Variants in TMPRSS9 observed in about 807,000 individuals in gnomAD.
TMPRSS9 encodes the protein transmembrane serine protease 9, also known as transmembrane protease serine 9.
A neutral mutation model predicts 111.4 loss-of-function variants in TMPRSS9; 113 were observed. That is an observed-to-expected ratio of 1.01 (90% CI 0.87 to 1.19). TMPRSS9 has a LOEUF of 1.19. TMPRSS9 is among the 50% of genes most tolerant of loss of function. The pLI is 0.00. For missense variants in TMPRSS9, 1,803 were observed against 1,513.1 expected (o/e 1.19, Z -3.18); for synonymous variants, 805 against 659.1 (o/e 1.22, Z -3.39).
chr19:2,399,975 C>T (rs1000615162), intron 4 of TMPRSS9, among the ~76,000 whole-genome samples: 1 of 152,198 alleles, frequency 6.6e-6, no homozygotes, highest in Admixed American at 6.5e-5. Context: ...GGTGATCCTC[C>T]TGCCTTGGCC....
chr19:2,416,436 A>T, intron 11 of TMPRSS9, 102 bp from the exon 13 acceptor site: 1 of 1,465,832 alleles, frequency 6.8e-7, no homozygotes, highest in Non-Finnish European at 9.1e-7. Flanking sequence ...GGGCCCAGGC[A>T]GCCCTGTGTG....
intron 1 of TMPRSS9, among the ~76,000 whole-genome samples, chr19:2,390,479 A>G (rs943559319): frequency 2.2e-4 from 33 of 148,304 alleles, no homozygotes; most frequent in Admixed American, 1.2e-3. Flanking sequence ...TCCTGACCTC[A>G]TGATCCGCCC....
At chr19:2,397,516 G>A (rs1358148115) in intron 2 of TMPRSS9, among the ~76,000 whole-genome samples, 1 of 152,140 alleles carries the variant, frequency 6.6e-6, no homozygotes, top group African/African-American at 2.4e-5. Context: ...AAAGGGGCCA[G>A]GCTTGGACAC....
chr19:2,413,991 G>A, exon 10 of TMPRSS9: 1 of 1,603,422 alleles, frequency 6.2e-7, no homozygotes. Context: ...CGTGCCTCTT[G>A]ACTGGGTCAC....
At chr19:2,372,541 A>T (rs907339345) in intron 1 of TMPRSS9, among the ~76,000 whole-genome samples, 2 of 152,104 alleles carry the variant, frequency 1.3e-5, no homozygotes, top group African/African-American at 4.8e-5. Flanking sequence ...ATAAAACTCT[A>T]GAAGATATTT....
chr19:2,398,837 G>A lies in TMPRSS9; in HGVS notation c.313G>A (p.Val105Met), dbSNP rs967942868. 11 of 1,505,806 alleles carry A rather than the reference G, an allele frequency of 7.3e-6. No individual in the cohort carries two copies. In the Admixed American group the frequency reaches 1.6e-4, roughly 22 times the overall value. 93.3% of individuals were successfully genotyped at this position (1,505,806 alleles called of 1,614,324 possible). A position where few individuals can be genotyped will look rare whatever the true frequency, so the allele number is the denominator to read the frequency against. ...GAAGACAGAGTTAGAGGCAAGCTGC[G>A]TGGGTTGCTCGGTACTGAATTATAG... The change falls in exon 3 of 18, where the codon GTG (valine) becomes ATG (methionine). Residue 105 changes from valine to methionine, a missense_variant. Val to Met is a conservative substitution (Grantham distance 21, BLOSUM62 1). Transcript: ENST00000648592.
At chr19:2,408,468 A>G in exon 8 of TMPRSS9, 1 of 1,613,906 alleles carries the variant, frequency 6.2e-7, no homozygotes, top group Non-Finnish European at 8.5e-7. Context: ...CCCCCTGTAC[A>G]ACGCGGACAC....
chr19:2,384,250 G>A (rs1970426739), intron 1 of TMPRSS9, among the ~76,000 whole-genome samples: 1 of 152,212 alleles, frequency 6.6e-6, no homozygotes, highest in Non-Finnish European at 1.5e-5. Flanking sequence ...GCGGAGGGGA[G>A]GCAATGAGAT....
exon 4 of TMPRSS9, chr19:2,399,111 G>A: frequency 1.2e-6 from 2 of 1,613,686 alleles, no homozygotes; most frequent in Non-Finnish European, 8.5e-7. Flanking sequence ...AGGAGCTATT[G>A]CAGCGAGGGA....
intron 9 of TMPRSS9, among the ~76,000 whole-genome samples, chr19:2,411,564 A>AT (rs1971097792): frequency 6.8e-6 from 1 of 146,252 alleles, no homozygotes; most frequent in South Asian, 2.2e-4. Context: ...CACCTAGCTA[A>AT]TTTTTGTATT....
intron 4 of TMPRSS9, among the ~76,000 whole-genome samples, chr19:2,401,142 C>T (rs10414112): frequency 0.12 from 17,759 of 151,826 alleles, 1,751 homozygotes; most frequent in East Asian, 0.28. Context: ...GGCGTGGTGG[C>T]GGGCGCCTGT....
intron 9 of TMPRSS9, 142 bp downstream of exon 10, chr19:2,410,536 G>A: frequency 8.2e-7 from 1 of 1,221,166 alleles, no homozygotes; most frequent in Non-Finnish European, 1.1e-6. Flanking sequence ...ACACGAGCGT[G>A]TTCAAATGCT....
chr19:2,379,670 T>TTTCTTTCTTTCTTTCTTTCTTTCC (rs1568170884), intron 1 of TMPRSS9, among the ~76,000 whole-genome samples: 1 of 149,090 alleles, frequency 6.7e-6, no homozygotes, highest in African/African-American at 2.5e-5. Flanking sequence ...TCTTTCTTTC[T>TTTCTTTCTTTCTTTCTTTCTTTCC]TTCTTTCTCT....
chr19:2,366,664 T>C (rs575909830), intron 1 of TMPRSS9, among the ~76,000 whole-genome samples: 1 of 151,588 alleles, frequency 6.6e-6, no homozygotes, highest in East Asian at 2.0e-4. Flanking sequence ...AAGACCATCC[T>C]GGCTAACACG....
chr19:2,409,832 G>T (rs150449049), intron 8 of TMPRSS9, among the ~76,000 whole-genome samples: 16 of 152,196 alleles, frequency 1.1e-4, no homozygotes, highest in African/African-American at 3.6e-4. Flanking sequence ...TGGGACCAGA[G>T]TAAGAGAAGT....
At chr19:2,423,520 G>GA (rs1363638232) in intron 14 of TMPRSS9, among the ~76,000 whole-genome samples, 1 of 151,420 alleles carries the variant, frequency 6.6e-6, no homozygotes, top group African/African-American at 2.4e-5. Flanking sequence ...GAGGGCGGCG[G>GA]GGGGGCTTGC....
intron 1 of TMPRSS9, among the ~76,000 whole-genome samples, chr19:2,379,613 T>TTCTCTTTC (rs1970365723): frequency 8.6e-6 from 1 of 116,702 alleles, no homozygotes; most frequent in Non-Finnish European, 1.8e-5. Flanking sequence ...CTAACTTTCT[T>TTCTCTTTC]TCTCTTTCTT....
At chr19:2,393,046 C>G (rs1207173792) in intron 1 of TMPRSS9, among the ~76,000 whole-genome samples, 1 of 152,144 alleles carries the variant, frequency 6.6e-6, no homozygotes, top group East Asian at 1.9e-4. Context: ...GACCAGTCAG[C>G]TCTCTGTAAA....
chr19:2,423,120 T>TG, intron 14 of TMPRSS9, among the ~76,000 whole-genome samples: 1 of 151,724 alleles, frequency 6.6e-6, no homozygotes, highest in Admixed American at 6.6e-5. Context: ...GCCATGTCCT[T>TG]GGGTGCGTGT....
Sources: gnomAD v4.1 joint callset for allele counts (sites outside exome capture counted in the v4.1 genomes callset) on GRCh38, gnomAD v4.1.1 for gene constraint, MANE v1.5 for transcripts, NCBI Gene and HGNC (gene_info 2026-07-23, HGNC 2026-07-21) for gene names.